Variants in FMN1 observed in about 807,000 individuals in gnomAD.
FMN1 encodes the protein formin-1.
A neutral mutation model predicts 132.4 loss-of-function variants in FMN1; 110 were observed. That is an observed-to-expected ratio of 0.83 (90% CI 0.71 to 0.97). The LOEUF (loss-of-function observed/expected upper bound fraction) is 0.97, where lower values mean the gene tolerates loss of function less well. Ranked by LOEUF, FMN1 falls within the 50% of genes least tolerant of loss-of-function variation. The probability of loss-of-function intolerance (pLI) is 0.00; values close to 1 mark genes in which losing one functional copy is unlikely to be tolerated. For synonymous variants in FMN1, 722 were observed against 651.7 expected, an observed-to-expected ratio of 1.11 and a Z score of -1.64; for missense variants, 1,792 against 1,705.3, an observed-to-expected ratio of 1.05 and a Z score of -0.90.
intron 17 of FMN1, among the ~76,000 whole-genome samples, chr15:32,854,327 A>G (rs1180611941): frequency 1.3e-5 from 2 of 152,210 alleles, no homozygotes; most frequent in Non-Finnish European, 2.9e-5. Context: ...ACAATTCTAG[A>G]CTGTTTTGAC....
chr15:32,903,589 C>T (rs1299471885), intron 12 of FMN1, among the ~76,000 whole-genome samples: 3 of 152,196 alleles, frequency 2.0e-5, no homozygotes, highest in African/African-American at 7.2e-5. Flanking sequence ...AGAGCATGTA[C>T]ACTTCCTATC....
intron 9 of FMN1, among the ~76,000 whole-genome samples, chr15:32,931,378 T>C (rs75690330): frequency 0.063 from 9,618 of 152,280 alleles, 430 homozygotes; most frequent in Middle Eastern, 0.15. Flanking sequence ...AGCAATGTTT[T>C]ATAGTTTTCA....
At chr15:32,860,760 G>A (rs1238508113) in intron 16 of FMN1, 2 of 152,152 alleles carry the variant, frequency 1.3e-5, no homozygotes, top group East Asian at 1.9e-4. Context: ...CTGCACCAAG[G>A]GGTCACCGTC....
intron 16 of FMN1, among the ~76,000 whole-genome samples, chr15:32,859,176 T>C (rs1388284854): frequency 7.2e-5 from 11 of 152,186 alleles, no homozygotes; most frequent in Non-Finnish European, 1.5e-5. Flanking sequence ...AGAGTTAAAT[T>C]TGATGCTTAA....
intron 6 of FMN1, among the ~76,000 whole-genome samples, chr15:33,024,406 C>T (rs1000517913): frequency 1.3e-5 from 2 of 152,034 alleles, no homozygotes; most frequent in African/African-American, 4.8e-5. Context: ...GCCACCACGC[C>T]TGGCTAATTT....
At chr15:32,886,618 A>G (rs1179081435) in intron 16 of FMN1, among the ~76,000 whole-genome samples, 2 of 152,200 alleles carry the variant, frequency 1.3e-5, no homozygotes, top group Non-Finnish European at 2.9e-5. Flanking sequence ...AGGAGAAGGG[A>G]AAAGATCAAA....
chr15:32,988,624 A>G (rs1184643730), intron 7 of FMN1, among the ~76,000 whole-genome samples: 1 of 152,220 alleles, frequency 6.6e-6, no homozygotes, highest in Non-Finnish European at 1.5e-5. Flanking sequence ...ACTTTCAGTC[A>G]TGGTGCTTCT....
intron 7 of FMN1, among the ~76,000 whole-genome samples, chr15:33,000,350 G>C (rs1164143624): frequency 6.6e-6 from 1 of 151,914 alleles, no homozygotes; most frequent in Non-Finnish European, 1.5e-5. Context: ...TCGGGAGGCT[G>C]AGGCAGGAGA....
chr15:33,028,886 C>A (rs536621068), intron 6 of FMN1, among the ~76,000 whole-genome samples: 1 of 152,208 alleles, frequency 6.6e-6, no homozygotes, highest in African/African-American at 2.4e-5. Context: ...CCTATTGATC[C>A]GACGCTAGTC....
At chr15:32,937,617 GAGA>G (rs2061308264) in intron 9 of FMN1, among the ~76,000 whole-genome samples, 1 of 152,184 alleles carries the variant, frequency 6.6e-6, no homozygotes, top group Non-Finnish European at 1.5e-5. Flanking sequence ...TGGATAGAGA[GAGA>G]AGACAAAAGT....
intron 5 of FMN1, among the ~76,000 whole-genome samples, chr15:33,085,427 AC>A (rs1274700581): frequency 6.6e-6 from 1 of 152,006 alleles, no homozygotes; most frequent in Non-Finnish European, 1.5e-5. Context: ...ATCTAAAAAA[AC>A]TATTTTAGTT....
rs74008220 is a variant in FMN1, at chr15:33,126,499, A to G, written c.1867+26549T>C. On this transcript the variant is annotated intron_variant, in intron 4 of 20. Transcript: ENST00000616417. Reference sequence around the variant, plus strand: ...TTTTTTCAAGACAGACCAACTCTACATCTACTCCTCTTATTCGCTGAGTAC... The same window carrying G: ...TTTTTTCAAGACAGACCAACTCTACGTCTACTCCTCTTATTCGCTGAGTAC... Among the ~76,000 whole-genome samples the G allele has an allele frequency of 5.0e-3, 765 of 152,358 alleles. 3 individuals are homozygous for G. Among genetic ancestry groups the G allele is most frequent in the African/African-American group, 0.018 (745 of 41,584 alleles).
intron 5 of FMN1, among the ~76,000 whole-genome samples, chr15:33,086,487 A>G: frequency 6.6e-6 from 1 of 152,246 alleles, no homozygotes; most frequent in Non-Finnish European, 1.5e-5. Flanking sequence ...ATAATTGTAA[A>G]AAATTAAGTA....
At chr15:32,866,547 C>G (rs1319083251) in intron 16 of FMN1, among the ~76,000 whole-genome samples, 1 of 152,220 alleles carries the variant, frequency 6.6e-6, no homozygotes, top group East Asian at 1.9e-4. Context: ...TAACAGCAAC[C>G]TCACAAACTC....
chr15:32,804,361 T>C, intron 17 of FMN1, 29 bp from the exon 18 acceptor site: 1 of 1,463,392 alleles, frequency 6.8e-7, no homozygotes, highest in Non-Finnish European at 9.3e-7. Context: ...GATTAAAAAT[T>C]TTTTCTTCTG....
chr15:33,113,370 AT>A (rs1177414103), intron 4 of FMN1, among the ~76,000 whole-genome samples: 2 of 151,538 alleles, frequency 1.3e-5, no homozygotes, highest in East Asian at 2.0e-4. Flanking sequence ...ATATAAGCTT[AT>A]TTTTTTCAAT....
rs760909779 is a variant in FMN1 at position 32,900,113 on chromosome 15, C to T, written c.3520G>A (p.Val1174Met). 11 of 1,613,794 alleles carry T rather than the reference C, an allele frequency of 6.8e-6. No homozygotes were observed. The highest frequency in any genetic ancestry group is 9.3e-6 in the Non-Finnish European group (11 of 1,179,856). Residue 1174 changes from valine (V) to methionine (M), a missense_variant, in exon 14 of 21, where the codon GTG becomes ATG. By Grantham distance (21) the Val-to-Met change is conservative. Around this residue, in one of 3 missense-constraint regions of FMN1, gnomAD observed 1,150 missense variants for 1,043.1 expected, o/e 1.10. Transcript: ENST00000616417. ...ITRASKDLLH[V>M]KSVKDILALI... ...GCTAAAATATCCTTCACGCTCTTCACGTGCAGCAAGTCCTGTGATGGCAAA... is the reference window on the plus strand; with the variant it reads ...GCTAAAATATCCTTCACGCTCTTCATGTGCAGCAAGTCCTGTGATGGCAAA...
In FMN1 at chr15:32,767,386, T is replaced by G. The variant is rs546907217; in HGVS notation, c.*6924A>C. ...AAATAATTTACATTTCTGCTAGGTCTGATTCATACTAGGATGTTGACTGCC... is the reference window on the plus strand; with the variant it reads ...AAATAATTTACATTTCTGCTAGGTCGGATTCATACTAGGATGTTGACTGCC... On this transcript the variant is annotated 3_prime_UTR_variant, in exon 21 of 21. Coordinates refer to ENST00000616417, the MANE Select transcript of FMN1 (RefSeq NM_001277313.2). 3.9e-5 allele frequency: 6 copies of G among 152,316 alleles called. No individual in the cohort carries two copies. In the East Asian group the frequency reaches 1.2e-3, roughly 29 times the overall value. 9.4% of individuals were successfully genotyped at this position (152,316 alleles called of 1,614,324 possible).
At chr15:33,035,084 G>A (rs11072137) in intron 6 of FMN1, among the ~76,000 whole-genome samples, 41,190 of 152,104 alleles carry the variant, frequency 0.27, 5,788 homozygotes, top group Non-Finnish European at 0.31. Context: ...ACAGGTTACA[G>A]AGAGAACCAA....
Sources: allele counts gnomAD v4.1 joint callset (sites outside exome capture counted in the v4.1 genomes callset), GRCh38; gene constraint gnomAD v4.1.1; regional missense constraint gnomAD v4.1.1; transcripts MANE v1.5; gene names NCBI Gene and HGNC (gene_info 2026-07-23, HGNC 2026-07-21).